Variants in WNT2B observed in about 807,000 individuals in gnomAD.
WNT2B encodes the protein protein Wnt-2b.
WNT2B carries 19 observed loss-of-function variants against 40.5 expected under a neutral mutation model. The observed-to-expected ratio is 0.47, with a 90% confidence interval of 0.33 to 0.69. The LOEUF (loss-of-function observed/expected upper bound fraction) is 0.69, where lower values mean the gene tolerates loss of function less well. Ranked by LOEUF, WNT2B falls within the 30% of genes least tolerant of loss-of-function variation. WNT2B has a pLI of 0.02. For missense variants in WNT2B, 467 were observed against 556.4 expected (o/e 0.84, Z 1.62); for synonymous variants, 220 against 211.9 (o/e 1.04, Z -0.33).
rs756133300 is a variant in WNT2B, at chr1:112,516,253, C to A, written c.517C>A (p.Arg173Ser). ...LSVCSCDPYT[R>S]GRHHDQRGDF... ...TGTGTGCAGCTGTGACCCCTACACC[C>A]GTGGCCGACACCATGACCAGCGTGG... is the stretch of plus-strand genomic sequence containing the variant. The change falls in exon 3 of 5, where the codon CGT becomes AGT. Residue 173 changes from arginine (R) to serine (S), a missense_variant. Physicochemically the swap from Arg to Ser is moderately radical, Grantham distance 110. This residue lies in a region of WNT2B where 330 missense variants were observed against 438.6 expected (regional missense o/e 0.75). Coordinates refer to ENST00000369684, the MANE Select transcript of WNT2B (RefSeq NM_024494.3). 6.2e-7 allele frequency: 1 copy of A among 1,613,952 alleles called. No individual in the cohort carries two copies. Among genetic ancestry groups the A allele is most frequent in the Non-Finnish European group, 8.5e-7 (1 of 1,180,020 alleles).
At chr1:112,472,765 T>C (rs1650920040) in intron 1 of WNT2B, among the ~76,000 whole-genome samples, 1 of 151,814 alleles carries the variant, frequency 6.6e-6, no homozygotes, top group Non-Finnish European at 1.5e-5. Flanking sequence ...GAAAATTACT[T>C]CAGGGTGGGC....
At chr1:112,468,775 G>T (rs1360022424) in intron 1 of WNT2B, among the ~76,000 whole-genome samples, 1 of 152,012 alleles carries the variant, frequency 6.6e-6, no homozygotes, top group Admixed American at 6.6e-5. Context: ...TCTGTTGATT[G>T]TTTCTTCTGC....
At chr1:112,485,054 A>G (rs1247517484) in intron 1 of WNT2B, among the ~76,000 whole-genome samples, 1 of 152,226 alleles carries the variant, frequency 6.6e-6, no homozygotes, top group Non-Finnish European at 1.5e-5. Flanking sequence ...TGACAAGTTA[A>G]CTCTAAAATT....
intron 1 of WNT2B, among the ~76,000 whole-genome samples, chr1:112,478,463 G>A (rs1651118263): frequency 6.6e-6 from 1 of 152,004 alleles, no homozygotes; most frequent in South Asian, 2.1e-4. Context: ...AAAGCAGTAA[G>A]AGAAAAGTAA....
At chr1:112,468,605 G>A (rs1650777619) in intron 1 of WNT2B, among the ~76,000 whole-genome samples, 1 of 152,006 alleles carries the variant, frequency 6.6e-6, no homozygotes, top group Non-Finnish European at 1.5e-5. Flanking sequence ...CTTCATTTGA[G>A]AAATGTCTAT....
rs1330171173 is a variant in WNT2B at position 112,521,913 on chromosome 1, C to T, written c.*1404C>T. On this transcript the variant is annotated 3_prime_UTR_variant, in exon 5 of 5. Coordinates refer to ENST00000369684, the MANE Select transcript of WNT2B (RefSeq NM_024494.3). Reference sequence around the variant, plus strand: ...TAGAAATTTGCGGTTATGACAGACCCGGGTTAAAAATCACAGCTGTGCCAT... The same window carrying T: ...TAGAAATTTGCGGTTATGACAGACCTGGGTTAAAAATCACAGCTGTGCCAT... 2.6e-5 allele frequency: 4 copies of T among 152,194 alleles called. No homozygotes were observed. The highest frequency in any genetic ancestry group is 9.6e-5 in the African/African-American group (4 of 41,528). The allele number at this position is 152,194 out of a possible 1,614,324, so 9.4% of individuals were successfully genotyped here.
rs1653239311 is a variant in WNT2B at position 112,525,355 on chromosome 1, CTAT to C, written c.*4851_*4853del. On this transcript the variant is annotated 3_prime_UTR_variant, in exon 5 of 5. Transcript: ENST00000369684. ...ACAGTGAATTGAGCTTTCTCAGAAG[CTAT>C]TATTTTCTTTGGGTGATTGGCAGGT... The C allele has an allele frequency of 6.6e-6, 1 of 152,278 alleles. No individual in the cohort carries two copies. Among genetic ancestry groups the C allele is most frequent in the African/African-American group, 2.4e-5 (1 of 41,542 alleles). 9.4% of individuals were successfully genotyped at this position (152,278 alleles called of 1,614,324 possible). A position where few individuals can be genotyped will look rare whatever the true frequency, so the allele number is the denominator to read the frequency against.
In WNT2B at chr1:112,514,697, T is replaced by C. The variant is rs116090796; in HGVS notation, c.183-177T>C. 4,770 of 652,368 alleles carry C rather than the reference T, an allele frequency of 7.3e-3. 166 individuals carry two copies. The African/African-American group carries it at 0.075, about 10-fold the overall frequency. 40.4% of individuals were successfully genotyped at this position (652,368 alleles called of 1,614,324 possible). On this transcript the variant is annotated intron_variant, in intron 1 of 4. Transcript: ENST00000369684. ...TACTCTCTCTGCAACTGTATAACTA[T>C]TAATACTTCTTCAGAACTGTGGGAA...
chr1:112,525,404 G>A lies in WNT2B; in HGVS notation c.*4895G>A, dbSNP rs1653245717. The stretch of plus-strand genomic sequence containing the variant: ...CAGGTATAGGGCAATAGCCAGTGGG[G>A]TGTCAGTAATATGCCCTGTCCCTGA... On this transcript the variant is annotated 3_prime_UTR_variant, in exon 5 of 5. Coordinates refer to ENST00000369684, the MANE Select transcript of WNT2B (RefSeq NM_024494.3). 1 of 152,254 alleles carries A rather than the reference G, an allele frequency of 6.6e-6. No homozygotes were observed. The highest frequency in any genetic ancestry group is 6.5e-5 in the Admixed American group (1 of 15,274). The allele number at this position is 152,254 out of a possible 1,614,324, so 9.4% of individuals were successfully genotyped here. A position where few individuals can be genotyped will look rare whatever the true frequency, so the allele number is the denominator to read the frequency against.
intron 1 of WNT2B, among the ~76,000 whole-genome samples, chr1:112,510,671 T>C (rs992298407): frequency 1.3e-5 from 2 of 152,080 alleles, no homozygotes; most frequent in Non-Finnish European, 2.9e-5. Context: ...CACCCCCTGT[T>C]TTCCTGTTTC....
chr1:112,496,357 C>T (rs2101069219), intron 1 of WNT2B, among the ~76,000 whole-genome samples: 1 of 152,270 alleles, frequency 6.6e-6, no homozygotes, highest in East Asian at 1.9e-4. Context: ...CCCACAAAGT[C>T]ATGTCCTTCC....
At position 112,515,134 on chromosome 1, in the gene WNT2B, C is replaced by G. The variant is rs1276215035; in HGVS notation, c.403+40C>G. The G allele has an allele frequency of 6.3e-7, 1 of 1,596,968 alleles. No homozygotes were observed. The highest frequency in any genetic ancestry group is 8.5e-7 in the Non-Finnish European group (1 of 1,170,318). ...CATCCTGTGTCAGCTCCTTCCCTTT[C>G]TGTGCTGGGGGTGGTGAGTGGGAAG... On this transcript the variant is annotated intron_variant, in intron 2 of 4. Transcript: ENST00000369684. This position sits in a 1 kb window ranked among gnomAD's most constrained non-coding sequence, Gnocchi z 4.4.
At chr1:112,466,654 T>C (rs1010526765) in exon 1 of WNT2B, 6 of 152,206 alleles carry the variant, frequency 3.9e-5, no homozygotes, top group Non-Finnish European at 7.3e-5. Context: ...ATTAGTATTA[T>C]GTAGCTCCTA....
chr1:112,493,415 C>T (rs989513618), intron 1 of WNT2B, among the ~76,000 whole-genome samples: 4 of 151,956 alleles, frequency 2.6e-5, no homozygotes, highest in Non-Finnish European at 5.9e-5. Flanking sequence ...CCCAGGAGTT[C>T]GAGACCAGCC....
At chr1:112,514,284 T>G (rs1652448777) in intron 1 of WNT2B, among the ~76,000 whole-genome samples, 1 of 152,170 alleles carries the variant, frequency 6.6e-6, no homozygotes, top group Admixed American at 6.6e-5. Flanking sequence ...GGGTGGGGTC[T>G]TCCTCCCCGG....
At chr1:112,472,595 T>C (rs988087240) in intron 1 of WNT2B, among the ~76,000 whole-genome samples, 18 of 148,272 alleles carry the variant, frequency 1.2e-4, no homozygotes, top group Admixed American at 1.1e-3. Flanking sequence ...GATAAAACTG[T>C]TTCTAAATAA....
rs149526222 is a variant in WNT2B, at chr1:112,485,172, G to A, written c.-95+17581G>A. ...CAAAGCTTTTTATAAAGTTATAGTC[G>A]TCAGGCCTGGGGGCATGATGGCTCA... On this transcript the variant is annotated intron_variant, in intron 1 of 4. Transcript: ENST00000256640. Among the ~76,000 whole-genome samples, 475 of 152,236 alleles carry A rather than the reference G, an allele frequency of 3.1e-3. 2 individuals are homozygous for A. The highest frequency in any genetic ancestry group is 0.011 in the African/African-American group (438 of 41,552).
rs747201302 is a variant in WNT2B at position 112,520,330 on chromosome 1, G to C, written c.997G>C (p.Asp333His). ...RVCSKTSKGTDGCEIMCCGRG... is the reference protein window; with the variant it reads ...RVCSKTSKGTHGCEIMCCGRG... ...CTGCAGCAAGACATCAAAAGGAACA[G>C]ACGGTTGTGAAATCATGTGCTGTGG... Residue 333 changes from aspartate (D) to histidine (H), a missense_variant, in exon 5 of 5, where the codon GAC becomes CAC. Around this residue, in one of 2 missense-constraint regions of WNT2B, gnomAD observed 330 missense variants for 438.6 expected, o/e 0.75. Transcript: ENST00000369684. The C allele has an allele frequency of 1.9e-6, 3 of 1,614,214 alleles. No homozygotes were observed. The highest frequency in any genetic ancestry group is 2.2e-5 in the South Asian group (2 of 91,086).
At chr1:112,478,975 C>T (rs573541856) in intron 1 of WNT2B, among the ~76,000 whole-genome samples, 5 of 151,916 alleles carry the variant, frequency 3.3e-5, no homozygotes, top group East Asian at 1.9e-4. Context: ...TATCCCAGTA[C>T]GTTGGGAGGC....
Sources: allele counts gnomAD v4.1 joint callset (sites outside exome capture counted in the v4.1 genomes callset), GRCh38; gene constraint gnomAD v4.1.1; regional missense constraint gnomAD v4.1.1; non-coding constraint Gnocchi (gnomAD v3.1); transcripts MANE v1.5; gene names NCBI Gene and HGNC (gene_info 2026-07-23, HGNC 2026-07-21).